MOB1B: variants seen among roughly 807,000 people sequenced by gnomAD.
MOB1B encodes MOB kinase activator 1B, also known as MOB1 Mps One Binder homolog B.
Under a neutral mutation model 24.4 loss-of-function variants are expected in MOB1B, and 19 were observed. The ratio of observed to expected loss-of-function variants is 0.78; its 90% CI spans 0.54 to 1.14. The LOEUF (loss-of-function observed/expected upper bound fraction) is 1.14. MOB1B is among the 50% of genes most tolerant of loss of function. The pLI, the probability that MOB1B is intolerant of heterozygous loss-of-function variation, is 0.00. For missense variants in MOB1B, 243 were observed against 259.6 expected, an observed-to-expected ratio of 0.94 and a Z score of 0.44; for synonymous variants, 76 against 82.1, an observed-to-expected ratio of 0.93 and a Z score of 0.40.
intron 1 of MOB1B, among the ~76,000 whole-genome samples, chr4:70,956,350 A>C (rs1165207652): frequency 1.3e-5 from 2 of 151,068 alleles, no homozygotes; most frequent in Non-Finnish European, 3.0e-5. Flanking sequence ...TTTGTCTTGA[A>C]CTCCTAGGTT....
intron 1 of MOB1B, among the ~76,000 whole-genome samples, chr4:70,956,603 G>A (rs1235411801): frequency 6.6e-6 from 1 of 151,792 alleles, no homozygotes; most frequent in Non-Finnish European, 1.5e-5. Flanking sequence ...GTTAAGTTTT[G>A]TATTTTTTGT....
chr4:70,952,815 G>A (rs1220997929), intron 1 of MOB1B, among the ~76,000 whole-genome samples: 2 of 151,472 alleles, frequency 1.3e-5, no homozygotes, highest in South Asian at 2.1e-4. Context: ...TATGTGAGAT[G>A]TATGCATTTG....
chr4:70,969,051 T>G (rs1359347408), intron 2 of MOB1B, among the ~76,000 whole-genome samples: 1 of 152,248 alleles, frequency 6.6e-6, no homozygotes, highest in Non-Finnish European at 1.5e-5. Flanking sequence ...TGCATCTGTT[T>G]CTGTAACTGC....
At chr4:70,963,864 C>A (rs1370130954) in intron 2 of MOB1B, among the ~76,000 whole-genome samples, 3 of 151,910 alleles carry the variant, frequency 2.0e-5, no homozygotes, top group African/African-American at 7.3e-5. Flanking sequence ...AACAAACACA[C>A]CAATGTGTCA....
intron 1 of MOB1B, among the ~76,000 whole-genome samples, chr4:70,958,130 A>G (rs1738145294): frequency 6.6e-6 from 1 of 151,446 alleles, no homozygotes; most frequent in Non-Finnish European, 1.5e-5. Context: ...GATACTTCCT[A>G]TAATTGGGTA....
At position 70,969,996 on chromosome 4, in the gene MOB1B, A is replaced by C. The variant is rs759178033; in HGVS notation, c.247A>C (p.Ser83Arg). 6.2e-6 allele frequency: 10 copies of C among 1,600,682 alleles called. No homozygotes were observed. The highest frequency in any genetic ancestry group is 6.0e-6 in the Non-Finnish European group (7 of 1,171,888). The change falls in exon 3 of 6, where the codon AGT (serine) becomes CGT (arginine). Residue 83 changes from serine to arginine, a missense_variant. By Grantham distance (110) the Ser-to-Arg change is moderately radical (BLOSUM62 -1). Transcript: ENST00000309395. Reference sequence around the variant, plus strand: ...TATCACAGACTTCTGTACAGAAGAGAGTTGTCCAGTGATGTCAGCTGGCCC... The same window carrying C: ...TATCACAGACTTCTGTACAGAAGAGCGTTGTCCAGTGATGTCAGCTGGCCC... The part of the protein sequence containing the change: ...GTITDFCTEE[S>R]CPVMSAGPKY...
chr4:70,968,884 A>G (rs1004108913), intron 2 of MOB1B, among the ~76,000 whole-genome samples: 2 of 152,134 alleles, frequency 1.3e-5, no homozygotes, highest in Non-Finnish European at 2.9e-5. Flanking sequence ...CAGCCTCCCA[A>G]AATGCTGGGA....
At chr4:70,946,084 C>CTTTT (rs11331194) in intron 1 of MOB1B, among the ~76,000 whole-genome samples, 6 of 85,390 alleles carry the variant, frequency 7.0e-5, no homozygotes, top group African/African-American at 2.1e-4. Context: ...TTTGTTTGTT[C>CTTTT]TTTTTTTTTT....
At chr4:70,908,607 T>C (rs1328465813) in intron 1 of MOB1B, among the ~76,000 whole-genome samples, 4 of 149,224 alleles carry the variant, frequency 2.7e-5, no homozygotes, top group African/African-American at 1.0e-4. Flanking sequence ...ACCCTGTCTT[T>C]ACTAAAAATA....
At chr4:70,950,896 C>T in intron 1 of MOB1B, 1 of 783,994 alleles carries the variant, frequency 1.3e-6, no homozygotes, top group East Asian at 2.7e-5. Flanking sequence ...GTATTATTAT[C>T]TCCATTTTGT....
intron 2 of MOB1B, among the ~76,000 whole-genome samples, chr4:70,963,230 C>T (rs955937706): frequency 7.2e-5 from 11 of 152,018 alleles, no homozygotes; most frequent in Middle Eastern, 6.8e-3. Context: ...CGGAGATGTA[C>T]GTACATGTAG....
intron 1 of MOB1B, among the ~76,000 whole-genome samples, chr4:70,948,757 T>C (rs958408850): frequency 3.9e-5 from 6 of 152,138 alleles, no homozygotes; most frequent in Non-Finnish European, 7.3e-5. Context: ...ATATACTGAT[T>C]ATGGGAGCAT....
In MOB1B at chr4:70,981,896, C is replaced by G. The variant is rs1739223919; in HGVS notation, c.574-84C>G. 3 of 917,380 alleles carry G rather than the reference C, an allele frequency of 3.3e-6. No homozygotes were observed. In the South Asian group the frequency reaches 4.4e-5, roughly 13 times the overall value. 56.8% of individuals were successfully genotyped at this position (917,380 alleles called of 1,614,324 possible). Reference sequence around the variant, plus strand: ...ATGTACTTCAAAAGCTAATTTCCAACAAATGTTCATGGTAATTTACTTTGG... The same window carrying G: ...ATGTACTTCAAAAGCTAATTTCCAAGAAATGTTCATGGTAATTTACTTTGG... On this transcript the variant is annotated intron_variant, in intron 5 of 5. Coordinates refer to ENST00000309395, the MANE Select transcript of MOB1B (RefSeq NM_173468.4).
intron 1 of MOB1B, among the ~76,000 whole-genome samples, chr4:70,940,060 T>C (rs2148884268): frequency 6.6e-6 from 1 of 152,282 alleles, no homozygotes; most frequent in African/African-American, 2.4e-5. Flanking sequence ...GTCCTGCCGG[T>C]GTGCTCCACT....
chr4:70,937,338 T>A (rs901474114), intron 1 of MOB1B, among the ~76,000 whole-genome samples: 2 of 152,136 alleles, frequency 1.3e-5, no homozygotes, highest in African/African-American at 2.4e-5. Flanking sequence ...TGGCATCCTC[T>A]GGCGTGGATC....
chr4:70,957,423 GCT>G lies in MOB1B; in HGVS notation c.15-1440_15-1439del, dbSNP rs1199616520. The stretch of plus-strand genomic sequence containing the variant: ...TTAACAGAAGATTTAAAAATCGCTC[GCT>G]CTCTCTCTCTTTTTTTTTTTTTTTA... On this transcript the variant is annotated intron_variant, in intron 1 of 5. Coordinates refer to ENST00000309395, the MANE Select transcript of MOB1B (RefSeq NM_173468.4). Among the ~76,000 whole-genome samples the G allele has an allele frequency of 7.5e-3, 1,121 of 150,444 alleles. 14 individuals are homozygous for G. The highest frequency in any genetic ancestry group is 0.026 in the African/African-American group (1,081 of 40,912).
intron 1 of MOB1B, among the ~76,000 whole-genome samples, chr4:70,947,902 C>CCGTA (rs1344466096): frequency 3.9e-5 from 6 of 152,176 alleles, no homozygotes; most frequent in Admixed American, 6.5e-5. Flanking sequence ...CACCACTGTA[C>CCGTA]CCAGCCACAG....
chr4:70,929,182 CTTTTT>C (rs11362114), intron 1 of MOB1B, among the ~76,000 whole-genome samples: 1 of 95,128 alleles, frequency 1.1e-5, no homozygotes, highest in Non-Finnish European at 2.3e-5. Context: ...TTCTTTCTTT[CTTTTT>C]TTTTTTTTTT....
chr4:70,977,698 A>T (rs10021793), intron 4 of MOB1B, among the ~76,000 whole-genome samples: 6,905 of 148,774 alleles, frequency 0.046, 295 homozygotes, highest in African/African-American at 0.11. Context: ...CTTCTTTTAA[A>T]TTTTTTTTTT....
Sources: allele counts gnomAD v4.1 joint callset (sites outside exome capture counted in the v4.1 genomes callset), GRCh38; gene constraint gnomAD v4.1.1; transcripts MANE v1.5; gene names NCBI Gene and HGNC (gene_info 2026-07-23, HGNC 2026-07-21).